DAB1: variants seen among roughly 807,000 people sequenced by gnomAD.
DAB1 encodes DAB adaptor protein 1.
DAB1 carries 15 observed loss-of-function variants against 64.6 expected under a neutral mutation model. The ratio of observed to expected loss-of-function variants is 0.23; its 90% CI spans 0.16 to 0.36. The LOEUF (loss-of-function observed/expected upper bound fraction) is 0.36. DAB1 is among the 10% of genes least tolerant of loss of function. The probability of loss-of-function intolerance (pLI) is 1.00; values close to 1 mark genes in which losing one functional copy is unlikely to be tolerated. For synonymous variants in DAB1, 235 were observed against 251.9 expected, an observed-to-expected ratio of 0.93 and a Z score of 0.64; for missense variants, 596 against 706.7, an observed-to-expected ratio of 0.84 and a Z score of 1.78.
intron 4 of DAB1, among the ~76,000 whole-genome samples, chr1:57,116,419 G>A (rs974329278): frequency 1.6e-4 from 19 of 122,058 alleles, no homozygotes; most frequent in Non-Finnish European, 2.6e-4. Flanking sequence ...CTGAGATCAC[G>A]CCATTGCACT....
At chr1:57,555,843 A>G (rs1644982198) in intron 7 of DAB1, among the ~76,000 whole-genome samples, 1 of 152,226 alleles carries the variant, frequency 6.6e-6, no homozygotes, top group Non-Finnish European at 1.5e-5. Flanking sequence ...GTTGGGAAAC[A>G]TGATATGAAA....
chr1:57,872,048 T>C (rs1282369206), intron 1 of DAB1, among the ~76,000 whole-genome samples: 1 of 151,962 alleles, frequency 6.6e-6, no homozygotes, highest in Non-Finnish European at 1.5e-5. Flanking sequence ...ATTGTATATA[T>C]CATAATCTAC....
intron 1 of DAB1, among the ~76,000 whole-genome samples, chr1:57,365,878 G>C (rs1292091549): frequency 6.6e-6 from 1 of 152,146 alleles, no homozygotes; most frequent in Non-Finnish European, 1.5e-5. Flanking sequence ...CCCGTATACT[G>C]TAAGCAATGA....
In DAB1 at chr1:57,390,681, C is replaced by T. The variant is rs189577288; in HGVS notation, c.-137+33249G>A. Among the ~76,000 whole-genome samples, 97 of 152,318 alleles carry T rather than the reference C, an allele frequency of 6.4e-4. 1 individual carries two copies. The highest frequency in any genetic ancestry group is 1.2e-3 in the Non-Finnish European group (85 of 68,026). On this transcript the variant is annotated intron_variant, in intron 1 of 14. Transcript: ENST00000371236. Reference sequence around the variant, plus strand: ...AGATGAATTCAGCTTCCTCCAAGGACAAGACAAGGAGAAATCAAGAAGAGA... The same window carrying T: ...AGATGAATTCAGCTTCCTCCAAGGATAAGACAAGGAGAAATCAAGAAGAGA...
chr1:57,039,616 AC>A lies in DAB1; in HGVS notation c.724-13574del, dbSNP rs1647464825. ...AGGAGTCTGCCTCATCATTCCACCC[AC>A]CCCACCCTTTCTCCTTCCCACTCTT... On this transcript the variant is annotated intron_variant, in intron 9 of 14. Transcript: ENST00000371236. 1.3e-5 allele frequency among the ~76,000 whole-genome samples: 2 copies of A among 151,578 alleles called. 1 individual carries two copies. Among genetic ancestry groups the A allele is most frequent in the Admixed American group, 1.3e-4 (2 of 15,200 alleles).
At chr1:57,673,415 A>G (rs1396787763) in intron 6 of DAB1, among the ~76,000 whole-genome samples, 1 of 151,990 alleles carries the variant, frequency 6.6e-6, no homozygotes, top group Admixed American at 6.6e-5. Flanking sequence ...CTGCTCCACA[A>G]AGTCCTCTCC....
At chr1:57,461,943 CTTTTTTTTTTTTTTT>C (rs545743407) in intron 7 of DAB1, among the ~76,000 whole-genome samples, 55 of 100,344 alleles carry the variant, frequency 5.5e-4, no homozygotes, top group African/African-American at 2.0e-3. Flanking sequence ...AAGATATACT[CTTTTTTTTTTTTTTT>C]TTTTTTTTTT....
intron 9 of DAB1, among the ~76,000 whole-genome samples, chr1:57,046,640 T>C (rs572852575): frequency 3.2e-4 from 48 of 152,346 alleles, no homozygotes; most frequent in African/African-American, 1.1e-3. Flanking sequence ...TCTGTGAATG[T>C]TAATGATCTG....
Position 57,945,428 on chromosome 1 carries a change from GTTATTA to G in DAB1, n.388-61272_388-61267del, listed in dbSNP as rs143711609. ...GCATATACCACCACACTTGCTAATT[GTTATTA>G]TTATTATTATTATTATTATTATTTT... On this transcript the variant is annotated intron_variant and non_coding_transcript_variant, in intron 5 of 20. Transcript: ENST00000485760. Among the ~76,000 whole-genome samples, 86 of 123,832 alleles carry G rather than the reference GTTATTA, an allele frequency of 6.9e-4. 1 individual carries two copies. Among genetic ancestry groups the G allele is most frequent in the Admixed American group, 1.1e-3 (15 of 13,516 alleles). The allele number at this position is 123,832 out of a possible 152,430, so 81.2% of individuals were successfully genotyped here.
intron 4 of DAB1, among the ~76,000 whole-genome samples, chr1:58,253,835 A>G (rs1660860921): frequency 6.6e-6 from 1 of 152,130 alleles, no homozygotes; most frequent in African/African-American, 2.4e-5. Context: ...AGCTCTGCAA[A>G]TGTCTTTCTC....
intron 5 of DAB1, among the ~76,000 whole-genome samples, chr1:58,018,209 C>T (rs953639716): frequency 2.0e-5 from 3 of 152,104 alleles, no homozygotes; most frequent in African/African-American, 7.2e-5. Flanking sequence ...CTGTACCCTG[C>T]CCTTACTTCT....
intron 5 of DAB1, among the ~76,000 whole-genome samples, chr1:57,921,487 C>T (rs533840787): frequency 6.6e-6 from 1 of 152,196 alleles, no homozygotes; most frequent in Admixed American, 6.5e-5. Flanking sequence ...AAACACATCC[C>T]TCTCCTTGTC....
At chr1:57,633,530 A>C (rs2101631198) in intron 7 of DAB1, among the ~76,000 whole-genome samples, 1 of 152,300 alleles carries the variant, frequency 6.6e-6, no homozygotes, top group South Asian at 2.1e-4. Flanking sequence ...TGTTTGAATA[A>C]GCTTTGTGCT....
At chr1:57,424,346 C>A (rs1685175461), upstream of DAB1, among the ~76,000 whole-genome samples, 1 of 151,602 alleles carries the variant, frequency 6.6e-6, no homozygotes, top group Non-Finnish European at 1.5e-5. Flanking sequence ...AGCGAGCGAG[C>A]GAGCGAGCGA....
intron 7 of DAB1, among the ~76,000 whole-genome samples, chr1:57,468,492 G>A (rs1349435698): frequency 2.6e-5 from 4 of 152,052 alleles, no homozygotes; most frequent in Non-Finnish European, 5.9e-5. Flanking sequence ...GAATTTTGAG[G>A]GAAATAGAAA....
intron 3 of DAB1, among the ~76,000 whole-genome samples, chr1:58,491,511 A>G (rs1291189148): frequency 1.3e-5 from 2 of 152,206 alleles, no homozygotes; most frequent in African/African-American, 4.8e-5. Flanking sequence ...TGCTGTATTC[A>G]GGAAACCCAT....
chr1:58,126,467 T>TC (rs1038596827), intron 5 of DAB1, among the ~76,000 whole-genome samples: 1 of 151,624 alleles, frequency 6.6e-6, no homozygotes, highest in Non-Finnish European at 1.5e-5. Context: ...TTTTTTTTTT[T>TC]TATTATACTT....
chr1:57,951,958 G>A (rs1361950113), intron 5 of DAB1, among the ~76,000 whole-genome samples: 1 of 152,188 alleles, frequency 6.6e-6, no homozygotes, highest in African/African-American at 2.4e-5. Flanking sequence ...TTTGGTTTCA[G>A]AGGGCAAAAG....
chr1:57,977,553 T>C (rs1488074860), intron 5 of DAB1, among the ~76,000 whole-genome samples: 1 of 152,176 alleles, frequency 6.6e-6, no homozygotes, highest in African/African-American at 2.4e-5. Context: ...AATCAATAGA[T>C]TTGAACACTA....
Sources: gnomAD v4.1 joint callset for allele counts (sites outside exome capture counted in the v4.1 genomes callset) on GRCh38, gnomAD v4.1.1 for gene constraint, MANE v1.5 for transcripts, NCBI Gene and HGNC (gene_info 2026-07-23, HGNC 2026-07-21) for gene names.